Variants in CSTF2 observed in about 807,000 individuals in gnomAD.
CSTF2 encodes CF-1 64 kDa subunit.
CSTF2 carries 8 observed loss-of-function variants against 45.4 expected under a neutral mutation model. The observed-to-expected ratio is 0.18, with a 90% CI of 0.10 to 0.32. The LOEUF is 0.32. Ranked by LOEUF, CSTF2 falls within the 10% of genes least tolerant of loss-of-function variation. The probability of loss-of-function intolerance (pLI) is 1.00; values close to 1 mark genes in which losing one functional copy is unlikely to be tolerated. For synonymous variants in CSTF2, 155 were observed against 158.9 expected (o/e 0.98, Z 0.18); for missense variants, 253 against 477.1 (o/e 0.53, Z 4.38).
intron 3 of CSTF2, 126 bp from the exon 4 acceptor site, chrX:100,823,166 T>C: frequency 1.3e-6 from 1 of 761,025 alleles, no homozygotes; most frequent in Non-Finnish European, 1.8e-6. Flanking sequence ...ACATCATTTA[T>C]TTCTCAGCTC....
intron 13 of CSTF2, 127 bp from the exon 14 acceptor site, chrX:100,840,587 C>T (rs749885951): frequency 9.0e-6 from 1 of 111,677 alleles, no homozygotes; most frequent in South Asian, 3.7e-4. Context: ...CTTTGCAAAT[C>T]TGTCCTGGTG....
At chrX:100,823,262 C>T (rs754909587) in intron 3 of CSTF2, 30 bp from the exon 4 acceptor site, 2 of 1,198,048 alleles carry the variant, frequency 1.7e-6, no homozygotes, top group East Asian at 3.0e-5. Flanking sequence ...TTTTGCCTCC[C>T]TAACTTTCTT....
Position 100,833,384 on chromosome X carries a change from T to G in CSTF2, c.1412T>G (p.Val471Gly), listed in dbSNP as rs1325313164. The G allele has an allele frequency of 3.3e-6, 4 of 1,207,453 alleles. No homozygotes were observed. In the Admixed American group the frequency reaches 6.6e-5, roughly 20 times the overall value. ...EARGMDTRGP[V>G]PGPRGPIPSG... The stretch of plus-strand genomic sequence containing the variant: ...AGAGGCATGGATACCAGAGGCCCAG[T>G]GCCTGGCCCCAGAGGACCTATACCT... Residue 471 changes from valine (V) to glycine (G), a missense_variant, in exon 11 of 14, where the codon GTG becomes GGG. Physicochemically the swap from Val to Gly is moderately radical, Grantham distance 109. This residue lies in a region of CSTF2 where 200 missense variants were observed against 294.0 expected (regional missense o/e 0.68). Transcript: ENST00000372972.
intron 11 of CSTF2, among the ~76,000 whole-genome samples, chrX:100,835,973 A>T (rs185422239): frequency 5.4e-4 from 60 of 111,025 alleles, no homozygotes; most frequent in East Asian, 1.4e-3. Context: ...AAAAAATTTT[A>T]AAAAAAAAGA....
intron 10 of CSTF2, 93 bp from the exon 11 acceptor site, chrX:100,833,087 C>A: frequency 9.6e-7 from 1 of 1,037,536 alleles, no homozygotes; most frequent in African/African-American, 1.9e-5. Context: ...ACAAATGTGA[C>A]TAGAAGAGAT....
chrX:100,828,973 A>G (rs1411741770), intron 8 of CSTF2, among the ~76,000 whole-genome samples: 3 of 111,643 alleles, frequency 2.7e-5, no homozygotes, highest in Non-Finnish European at 5.6e-5. Flanking sequence ...TTCTCTTCCA[A>G]CTAGTAAGTG....
chrX:100,836,691 A>C (rs1006151877), intron 11 of CSTF2, among the ~76,000 whole-genome samples: 2 of 111,848 alleles, frequency 1.8e-5, no homozygotes, highest in South Asian at 3.7e-4. Flanking sequence ...GTATGATATC[A>C]CTGTACTTGG....
At chrX:100,831,771 A>C (rs1224196564) in intron 9 of CSTF2, 115 bp downstream of exon 9, 15 of 762,340 alleles carry the variant, frequency 2.0e-5, no homozygotes, top group African/African-American at 1.0e-4. Flanking sequence ...AAGGTAGATC[A>C]ATATTCATGG....
In CSTF2 at chrX:100,840,696, C is replaced by T. The variant is rs1413512997; in HGVS notation, c.*4-18C>T. 4 of 111,287 alleles carry T rather than the reference C, an allele frequency of 3.6e-5. No individual in the cohort carries two copies. Among genetic ancestry groups the T allele is most frequent in the African/African-American group, 1.3e-4 (4 of 30,608 alleles). 9.2% of individuals were successfully genotyped at this position (111,287 alleles called of 1,213,427 possible). A position where few individuals can be genotyped will look rare whatever the true frequency, so the allele number is the denominator to read the frequency against. The stretch of plus-strand genomic sequence containing the variant: ...TTGTCTTCACTTCTAATGGCTTTGT[C>T]CTAACTTCTTCTTACAGGTTTTCAA... On this transcript the variant is annotated intron_variant, in intron 13 of 13. Coordinates refer to ENST00000372972, the MANE Select transcript of CSTF2 (RefSeq NM_001325.3).
At chrX:100,823,827 T>C in intron 4 of CSTF2, 59 bp from the exon 5 acceptor site, 1 of 1,151,900 alleles carries the variant, frequency 8.7e-7, no homozygotes, top group Non-Finnish European at 1.2e-6. Context: ...GGAATGGCTC[T>C]AAATCACTAT....
intron 3 of CSTF2, 29 bp downstream of exon 3, chrX:100,822,449 A>G (rs1321648290): frequency 1.7e-6 from 2 of 1,177,945 alleles, no homozygotes. Context: ...TGGATGCAGT[A>G]TGAGTTAGTA....
At chrX:100,840,147 A>G (rs957429881) in intron 13 of CSTF2, among the ~76,000 whole-genome samples, 1 of 111,680 alleles carries the variant, frequency 9.0e-6, no homozygotes, top group African/African-American at 3.3e-5. Flanking sequence ...GTGTGGTTCT[A>G]TGCAATTTTA....
In CSTF2 at chrX:100,824,146, C is replaced by T; in HGVS notation, c.591C>T (p.Ile197=). The T allele has an allele frequency of 8.3e-7, 1 of 1,211,731 alleles. No homozygotes were observed. Among genetic ancestry groups the T allele is most frequent in the South Asian group, 1.8e-5 (1 of 56,938 alleles). The change falls in exon 6 of 14, where the codon ATC becomes ATT. Residue 197 remains isoleucine (I), a synonymous_variant. Coordinates refer to ENST00000372972, the MANE Select transcript of CSTF2 (RefSeq NM_001325.3). ...ALKILHRQTN[I]PTLIAGNPQP... is the part of the protein sequence containing the mutation. ...AAATTCTGCATCGCCAGACAAATAT[C>T]CCAACGCTGATTGCAGGCAACCCTC...
In CSTF2 at chrX:100,820,430, CTG is replaced by C; in HGVS notation, c.17_18del (p.Val6GlufsTer20). 1 of 1,211,849 alleles carries C rather than the reference CTG, an allele frequency of 8.3e-7. No homozygotes were observed. Among genetic ancestry groups the C allele is most frequent in the South Asian group, 1.8e-5 (1 of 57,003 alleles). ...CTCAACAGAGCTATGGCGGGTTTGA[CTG>C]TGAGAGACCCAGCGGTGGATCGTTC... On this transcript the variant is annotated frameshift_variant, in exon 1 of 14. Transcript: ENST00000372972. LOFTEE classifies it high-confidence loss of function.
In CSTF2 at chrX:100,824,336, G is replaced by T. The variant is rs200351090; in HGVS notation, c.702+79G>T. On this transcript the variant is annotated intron_variant, in intron 6 of 13. Coordinates refer to ENST00000372972, the MANE Select transcript of CSTF2 (RefSeq NM_001325.3). ...TTTTTAGGAGAATATATTGAAAGAA[G>T]AATGGTCAGGAACCAGAGATGATAA... 45 of 984,802 alleles carry T rather than the reference G, an allele frequency of 4.6e-5. No individual in the cohort carries two copies. The East Asian group carries it at 1.5e-3, about 33-fold the overall frequency. The allele number at this position is 984,802 out of a possible 1,213,427, so 81.2% of individuals were successfully genotyped here. A position where few individuals can be genotyped will look rare whatever the true frequency, so the allele number is the denominator to read the frequency against.
At chrX:100,830,158 C>T (rs2084966921) in intron 8 of CSTF2, among the ~76,000 whole-genome samples, 1 of 112,194 alleles carries the variant, frequency 8.9e-6, no homozygotes, top group Non-Finnish European at 1.9e-5. Context: ...GTTCCCATGT[C>T]ATCTCATTAG....
Position 100,822,800 on chromosome X carries a change from T to G in CSTF2, c.307+380T>G, listed in dbSNP as rs756847744. The G allele has an allele frequency of 3.8e-4, 55 of 144,522 alleles. No homozygotes were observed. In the Middle Eastern group the frequency reaches 8.6e-3, roughly 23 times the overall value. The allele number at this position is 144,522 out of a possible 1,213,427, so 11.9% of individuals were successfully genotyped here. Reference sequence around the variant, plus strand: ...CAGATAAAGTTGACATTAGAAATTCTTCAGTTGCTCCAGCCTGGGCGACAG... The same window carrying G: ...CAGATAAAGTTGACATTAGAAATTCGTCAGTTGCTCCAGCCTGGGCGACAG... On this transcript the variant is annotated intron_variant, in intron 3 of 13. Coordinates refer to ENST00000372972, the MANE Select transcript of CSTF2 (RefSeq NM_001325.3).
intron 11 of CSTF2, among the ~76,000 whole-genome samples, chrX:100,836,368 TC>T (rs1286311648): frequency 8.9e-6 from 1 of 112,479 alleles, no homozygotes; most frequent in Admixed American, 9.4e-5. Context: ...CTGTTTGGTT[TC>T]TGGTCTCCTT....
At chrX:100,832,421 C>A (rs912249835) in intron 9 of CSTF2, among the ~76,000 whole-genome samples, 9 of 111,666 alleles carry the variant, frequency 8.1e-5, no homozygotes, top group African/African-American at 2.9e-4. Context: ...TATCACACAG[C>A]TAATAAGTGA....
Sources: gnomAD v4.1 joint callset for allele counts (sites outside exome capture counted in the v4.1 genomes callset) on GRCh38, gnomAD v4.1.1 for gene constraint, gnomAD v4.1.1 regional missense constraint, MANE v1.5 for transcripts, NCBI Gene and HGNC (gene_info 2026-07-23, HGNC 2026-07-21) for gene names.